The following THRAP3 variants were observed in gnomAD, a reference collection of about 807,000 sequenced individuals.
THRAP3 encodes thyroid hormone receptor-associated protein 3.
In THRAP3, 16 loss-of-function variants were observed where a neutral mutation model predicts 101.0. The observed-to-expected ratio is 0.16, with a 90% CI of 0.11 to 0.24. THRAP3 has a LOEUF of 0.24. Among genes scored for constraint, THRAP3 ranks in the 10% least tolerant of loss-of-function variants. THRAP3 has a pLI of 1.00. For synonymous variants in THRAP3, 407 were observed against 422.6 expected, an observed-to-expected ratio of 0.96 and a Z score of 0.45; for missense variants, 989 against 1,202.7, an observed-to-expected ratio of 0.82 and a Z score of 2.63.
At chr1:36,236,850 G>C (rs1190185376) in intron 1 of THRAP3, among the ~76,000 whole-genome samples, 1 of 152,096 alleles carries the variant, frequency 6.6e-6, no homozygotes, top group Non-Finnish European at 1.5e-5. Context: ...CTTAGCTCTG[G>C]AGTATGCATA....
At chr1:36,229,129 G>A (rs1457423344) in intron 1 of THRAP3, among the ~76,000 whole-genome samples, 1 of 151,948 alleles carries the variant, frequency 6.6e-6, no homozygotes, top group African/African-American at 2.4e-5. Context: ...ATGGAGCCTC[G>A]CTCTGTTGCC....
chr1:36,257,980 AC>A (rs1303596941), intron 1 of THRAP3, among the ~76,000 whole-genome samples: 1 of 152,168 alleles, frequency 6.6e-6, no homozygotes, highest in Non-Finnish European at 1.5e-5. Flanking sequence ...AGCTGGGATT[AC>A]AGCCATGTGC....
chr1:36,240,520 C>A (rs1257426187), intron 1 of THRAP3, among the ~76,000 whole-genome samples: 1 of 152,174 alleles, frequency 6.6e-6, no homozygotes, highest in Non-Finnish European at 1.5e-5. Flanking sequence ...ATTGAGAGTC[C>A]AGCTGGACAT....
At chr1:36,278,353 A>G (rs375183683) in intron 2 of THRAP3, among the ~76,000 whole-genome samples, 2 of 152,184 alleles carry the variant, frequency 1.3e-5, no homozygotes, top group Admixed American at 6.5e-5. Context: ...GGCGTGAGTC[A>G]CTGCACCAGG....
At chr1:36,268,494 T>A (rs1645542663) in intron 2 of THRAP3, among the ~76,000 whole-genome samples, 1 of 152,090 alleles carries the variant, frequency 6.6e-6, no homozygotes, top group Non-Finnish European at 1.5e-5. Flanking sequence ...GAGGTTATTT[T>A]GGGGGAAACT....
intron 1 of THRAP3, among the ~76,000 whole-genome samples, chr1:36,256,463 G>A (rs1356184160): frequency 6.6e-6 from 1 of 151,872 alleles, no homozygotes; most frequent in African/African-American, 2.4e-5. Flanking sequence ...CTGACCTCGT[G>A]ATCCGCCCGC....
chr1:36,285,528 G>A (rs1368661442), intron 3 of THRAP3, among the ~76,000 whole-genome samples: 1 of 152,160 alleles, frequency 6.6e-6, no homozygotes, highest in East Asian at 1.9e-4. Flanking sequence ...GTTATATATT[G>A]TTAAATGGAG....
At chr1:36,221,694 G>A (rs749433988), upstream of THRAP3, among the ~76,000 whole-genome samples, 2 of 151,544 alleles carry the variant, frequency 1.3e-5, no homozygotes, top group Non-Finnish European at 2.9e-5. Flanking sequence ...AGCGATTCTC[G>A]TGCCTCAACA....
At chr1:36,252,927 CATATATATATATATATATATAT>C (rs71053916) in intron 1 of THRAP3, among the ~76,000 whole-genome samples, 10,282 of 76,670 alleles carry the variant, frequency 0.13, 557 homozygotes, top group Middle Eastern at 0.35. Context: ...TATAGATAGG[CATATATATATATATATATATAT>C]ATATATATAT....
the THRAP3 span, among the ~76,000 whole-genome samples, chr1:36,214,006 GAAAGAAAGAAAGAAAGAAA>G: frequency 2.0e-4 from 7 of 35,218 alleles, no homozygotes; most frequent in Admixed American, 3.3e-4. Flanking sequence ...AGGAAAGAAA[GAAAGAAAGAAAGAAAGAAA>G]GAAAGAAAGA....
chr1:36,287,995 CT>C (rs776644522), intron 4 of THRAP3: 58 of 926,958 alleles, frequency 6.3e-5, no homozygotes, highest in East Asian at 2.3e-4. Context: ...GTGGCTCCCC[CT>C]TTTTTTTTCT....
Position 36,303,836 on chromosome 1 carries a change from G to A in THRAP3, c.2687G>A (p.Ser896Asn). The change falls in exon 12 of 12, where the codon AGC (serine) becomes AAC (asparagine). Residue 896 changes from serine (S) to asparagine (N), a missense_variant. Coordinates refer to ENST00000354618, the MANE Select transcript of THRAP3 (RefSeq NM_005119.4). ...REGEGSDKWV[S>N]RGRGRGAFPR... ...GGCGAAGGCAGTGACAAGTGGGTGA[G>A]CCGGGGCCGGGGCCGAGGAGCCTTT... The A allele has an allele frequency of 6.2e-7, 1 of 1,614,202 alleles. No homozygotes were observed. Among genetic ancestry groups the A allele is most frequent in the Non-Finnish European group, 8.5e-7 (1 of 1,180,028 alleles).
At chr1:36,293,809 C>A in intron 7 of THRAP3, 42 bp from the exon 8 acceptor site, 1 of 1,526,144 alleles carries the variant, frequency 6.6e-7, no homozygotes, top group South Asian at 1.1e-5. Context: ...GTATCATATT[C>A]ACACAATGGA....
chr1:36,282,746 C>T (rs879011091), intron 3 of THRAP3, 46 bp downstream of exon 3: 2 of 1,605,268 alleles, frequency 1.2e-6, no homozygotes, highest in African/African-American at 1.3e-5. Flanking sequence ...TTGCATCAGT[C>T]GATGTGGATG....
intron 1 of THRAP3, among the ~76,000 whole-genome samples, chr1:36,227,907 GCT>G (rs1557802196): frequency 6.6e-6 from 1 of 151,878 alleles, no homozygotes; most frequent in Non-Finnish European, 1.5e-5. Flanking sequence ...ACGGAATCTC[GCT>G]CTGTTGCCCA....
At chr1:36,272,601 A>C (rs1645605557) in intron 2 of THRAP3, among the ~76,000 whole-genome samples, 1 of 152,234 alleles carries the variant, frequency 6.6e-6, no homozygotes, top group African/African-American at 2.4e-5. Context: ...TCAGAACGCA[A>C]GTCAGGCCCA....
the THRAP3 span, among the ~76,000 whole-genome samples, chr1:36,209,851 A>T: frequency 6.6e-6 from 1 of 152,162 alleles, no homozygotes; most frequent in Non-Finnish European, 1.5e-5. Flanking sequence ...ATTCACTGCC[A>T]CCCCAAAGGG....
chr1:36,249,514 C>A (rs939541292), intron 1 of THRAP3, among the ~76,000 whole-genome samples: 2 of 152,040 alleles, frequency 1.3e-5, no homozygotes, highest in African/African-American at 4.8e-5. Flanking sequence ...TCTTAAGGGA[C>A]CTTCATGTTT....
chr1:36,251,735 C>T (rs1180584530), intron 1 of THRAP3, among the ~76,000 whole-genome samples: 1 of 152,190 alleles, frequency 6.6e-6, no homozygotes, highest in Non-Finnish European at 1.5e-5. Context: ...GCCCAATTAA[C>T]AATATTTATT....
Sources: gnomAD v4.1 joint callset for allele counts (sites outside exome capture counted in the v4.1 genomes callset) on GRCh38, gnomAD v4.1.1 for gene constraint, MANE v1.5 for transcripts, NCBI Gene and HGNC (gene_info 2026-07-23, HGNC 2026-07-21) for gene names.